The following SNAP25 variants were observed in gnomAD, a reference collection of about 807,000 sequenced individuals.
SNAP25 encodes the protein synaptosome associated protein 25.
Under a neutral mutation model 28.7 loss-of-function variants are expected in SNAP25, and 3 were observed. The observed-to-expected ratio is 0.10, with a 90% CI of 0.05 to 0.27. The LOEUF (loss-of-function observed/expected upper bound fraction) is 0.27. Ranked by LOEUF, SNAP25 falls within the 10% of genes least tolerant of loss-of-function variation. The probability of loss-of-function intolerance (pLI) is 1.00; values close to 1 mark genes in which losing one functional copy is unlikely to be tolerated. For synonymous variants in SNAP25, 61 were observed against 88.1 expected, an observed-to-expected ratio of 0.69 and a Z score of 1.72; for missense variants, 117 against 278.7, an observed-to-expected ratio of 0.42 and a Z score of 4.13.
intron 6 of SNAP25, among the ~76,000 whole-genome samples, chr20:10,298,876 T>G (rs1385705552): frequency 6.6e-5 from 10 of 152,178 alleles, no homozygotes; most frequent in African/African-American, 2.2e-4. Flanking sequence ...TTAGAAATAT[T>G]AAGAATATTC....
At chr20:10,281,460 T>C (rs1000405586) in intron 3 of SNAP25, among the ~76,000 whole-genome samples, 1 of 152,200 alleles carries the variant, frequency 6.6e-6, no homozygotes, top group Non-Finnish European at 1.5e-5. Context: ...ATACTCTGCT[T>C]AGAGCTATCA....
At chr20:10,269,976 C>T (rs1282021172) in intron 1 of SNAP25, among the ~76,000 whole-genome samples, 6 of 152,170 alleles carry the variant, frequency 3.9e-5, no homozygotes, top group East Asian at 1.9e-4. Context: ...GACTCCAGCC[C>T]GGCACGGTGG....
chr20:10,261,735 A>G (rs1042775757), intron 1 of SNAP25, among the ~76,000 whole-genome samples: 1 of 152,190 alleles, frequency 6.6e-6, no homozygotes, highest in Non-Finnish European at 1.5e-5. Context: ...GGGAATTAAC[A>G]ATGTAGCGTG....
chr20:10,233,845 G>T (rs1413781091), intron 1 of SNAP25, among the ~76,000 whole-genome samples: 1 of 152,144 alleles, frequency 6.6e-6, no homozygotes, highest in African/African-American at 2.4e-5. Context: ...TTGCCTGCGT[G>T]TAGCTTTTTG....
At chr20:10,265,194 A>C (rs1360542437) in intron 1 of SNAP25, among the ~76,000 whole-genome samples, 1 of 152,228 alleles carries the variant, frequency 6.6e-6, no homozygotes, top group Non-Finnish European at 1.5e-5. Context: ...TTTCATGCAC[A>C]GGAATATTCA....
chr20:10,274,443 C>T (rs1482236048), intron 1 of SNAP25, among the ~76,000 whole-genome samples: 4 of 152,016 alleles, frequency 2.6e-5, no homozygotes, highest in Non-Finnish European at 4.4e-5. Flanking sequence ...ATAGATAAAT[C>T]TCAAAATAAT....
chr20:10,227,511 C>T (rs1418606854), intron 1 of SNAP25, among the ~76,000 whole-genome samples: 3 of 152,076 alleles, frequency 2.0e-5, no homozygotes, highest in Non-Finnish European at 2.9e-5. Flanking sequence ...TACCCTTGCA[C>T]ATAGATTCAT....
intron 1 of SNAP25, among the ~76,000 whole-genome samples, chr20:10,264,918 CT>C (rs958711328): frequency 0.02 from 2,334 of 117,110 alleles, 27 homozygotes; most frequent in Middle Eastern, 0.03. Flanking sequence ...TCAGACCATG[CT>C]TTTTTTTTTT....
chr20:10,287,885 C>G (rs1398991216), intron 4 of SNAP25, among the ~76,000 whole-genome samples: 1 of 152,006 alleles, frequency 6.6e-6, no homozygotes, highest in Non-Finnish European at 1.5e-5. Flanking sequence ...TGGAAATCAT[C>G]ATTCTCAGTA....
chr20:10,233,249 G>A (rs1016310878), intron 1 of SNAP25, among the ~76,000 whole-genome samples: 4 of 152,032 alleles, frequency 2.6e-5, no homozygotes, highest in Admixed American at 2.0e-4. Flanking sequence ...AAAGATTAGA[G>A]CCAAACCAAA....
intron 4 of SNAP25, among the ~76,000 whole-genome samples, chr20:10,286,315 A>C (rs553997745): frequency 6.6e-6 from 1 of 152,190 alleles, no homozygotes; most frequent in Non-Finnish European, 1.5e-5. Context: ...AGCAAATGCC[A>C]GGAAGCAATT....
intron 1 of SNAP25, among the ~76,000 whole-genome samples, chr20:10,254,476 G>A (rs1341624098): frequency 6.6e-6 from 1 of 152,156 alleles, no homozygotes; most frequent in African/African-American, 2.4e-5. Flanking sequence ...TAGACTCTTA[G>A]CTCAGGGTTG....
chr20:10,281,788 A>G (rs2063781794), intron 3 of SNAP25, among the ~76,000 whole-genome samples: 1 of 152,172 alleles, frequency 6.6e-6, no homozygotes, highest in Non-Finnish European at 1.5e-5. Flanking sequence ...ATTCTACTCA[A>G]TGTCTTATTT....
chr20:10,284,601 CT>C (rs2063840010), intron 3 of SNAP25, 122 bp from the exon 4 acceptor site: 1 of 773,268 alleles, frequency 1.3e-6, no homozygotes, highest in Non-Finnish European at 2.2e-6. Flanking sequence ...TACTTTCTCC[CT>C]TTTTTCTTTT....
At chr20:10,302,935 T>C (rs2064274282) in intron 7 of SNAP25, among the ~76,000 whole-genome samples, 1 of 152,078 alleles carries the variant, frequency 6.6e-6, no homozygotes, top group Admixed American at 6.6e-5. Context: ...CTGTTTCAGC[T>C]CCTCCCAGAT....
chr20:10,250,539 T>C (rs545637853), intron 1 of SNAP25, among the ~76,000 whole-genome samples: 17 of 152,366 alleles, frequency 1.1e-4, no homozygotes, highest in African/African-American at 4.1e-4. Flanking sequence ...AAACCCTCAG[T>C]ATCTTAACCC....
intron 1 of SNAP25, among the ~76,000 whole-genome samples, chr20:10,240,162 C>T (rs2062999168): frequency 6.6e-6 from 1 of 152,106 alleles, no homozygotes; most frequent in African/African-American, 2.4e-5. Flanking sequence ...ACCCTGAGGG[C>T]CCTGTTTCCT....
intron 7 of SNAP25, among the ~76,000 whole-genome samples, chr20:10,305,629 C>A (rs564693149): frequency 2.0e-5 from 3 of 152,292 alleles, no homozygotes; most frequent in African/African-American, 7.2e-5. Flanking sequence ...CATGCTCATG[C>A]TCATTAGCAA....
At chr20:10,234,930 A>T (rs1264413105) in intron 1 of SNAP25, among the ~76,000 whole-genome samples, 1 of 152,186 alleles carries the variant, frequency 6.6e-6, no homozygotes, top group African/African-American at 2.4e-5. Context: ...GGGCATGGTG[A>T]TGTGCACCTG....
Sources: allele counts gnomAD v4.1 joint callset (sites outside exome capture counted in the v4.1 genomes callset), GRCh38; gene constraint gnomAD v4.1.1; transcripts MANE v1.5; gene names NCBI Gene and HGNC (gene_info 2026-07-23, HGNC 2026-07-21).